Variants in UGT1A7 observed in about 807,000 individuals in gnomAD.
UGT1A7 encodes UDP-glucuronosyltransferase 1A7.
UGT1A7 carries 33 observed loss-of-function variants against 45.6 expected under a neutral mutation model. That is an observed-to-expected ratio of 0.72 (90% CI 0.55 to 0.97). UGT1A7 has a LOEUF of 0.97. UGT1A7 is among the 50% of genes least tolerant of loss of function. The pLI is 0.00. For synonymous variants in UGT1A7, 274 were observed against 250.6 expected, an observed-to-expected ratio of 1.09 and a Z score of -0.88; for missense variants, 684 against 666.2, an observed-to-expected ratio of 1.03 and a Z score of -0.29.
At chr2:233,719,982 G>A (rs2076818942) in intron 1 of UGT1A7, among the ~76,000 whole-genome samples, 1 of 152,176 alleles carries the variant, frequency 6.6e-6, no homozygotes, top group South Asian at 2.1e-4. Flanking sequence ...AGCTCGGCAG[G>A]ATCAGGGACA....
chr2:233,713,528 T>C (rs1471082533), intron 1 of UGT1A7: 7 of 1,613,924 alleles, frequency 4.3e-6, no homozygotes, highest in Admixed American at 3.3e-5. Flanking sequence ...TTCCATGTGA[T>C]TTAGACTTTA....
rs1691455910 is a variant in UGT1A7, at chr2:233,740,707, G to A, written c.856-26327G>A. Reference sequence around the variant, plus strand: ...GGTGTTCATTTTAGGGATTTCAAGAGGGTCATCTTTGCACCACAGGAAATG... The same window carrying A: ...GGTGTTCATTTTAGGGATTTCAAGAAGGTCATCTTTGCACCACAGGAAATG... On this transcript the variant is annotated intron_variant, in intron 1 of 4. Coordinates refer to ENST00000373426, the MANE Select transcript of UGT1A7 (RefSeq NM_019077.3). 1.3e-5 allele frequency: 2 copies of A among 151,744 alleles called. 1 individual carries two copies. Among genetic ancestry groups the A allele is most frequent in the African/African-American group, 4.9e-5 (2 of 41,032 alleles). 9.4% of individuals were successfully genotyped at this position (151,744 alleles called of 1,614,324 possible).
chr2:233,682,738 C>A lies in UGT1A7; in HGVS notation c.801C>A (p.Pro267=). 6.2e-7 allele frequency: 1 copy of A among 1,613,880 alleles called. No homozygotes were observed. The highest frequency in any genetic ancestry group is 8.5e-7 in the Non-Finnish European group (1 of 1,179,830). ...FVLEYPKPVM[P]NMIFIGGINC... ...TGGAGTATCCCAAACCCGTGATGCCCAATATGATCTTCATTGGTGGTATCA... is the reference window on the plus strand; with the variant it reads ...TGGAGTATCCCAAACCCGTGATGCCAAATATGATCTTCATTGGTGGTATCA... Residue 267 remains proline (P), a synonymous_variant, in exon 1 of 5, where the codon CCC becomes CCA. Transcript: ENST00000373426.
In UGT1A7 at chr2:233,731,732, C is replaced by T. The variant is rs376493971; in HGVS notation, c.856-35302C>T. Among the ~76,000 whole-genome samples, 8 of 152,220 alleles carry T rather than the reference C, an allele frequency of 5.3e-5. No homozygotes were observed. In the East Asian group the frequency reaches 1.3e-3, roughly 26 times the overall value. On this transcript the variant is annotated intron_variant, in intron 1 of 4. Transcript: ENST00000373426. ...CAGGTCTTTGCTATTGTGAATAGTG[C>T]CACAATAAACATACGTGTGCATGTG...
intron 1 of UGT1A7, among the ~76,000 whole-genome samples, chr2:233,749,291 C>G (rs28900384): frequency 0.034 from 5,146 of 151,834 alleles, 168 homozygotes; most frequent in African/African-American, 0.052. Context: ...TGTAGTTATT[C>G]AATTATAAAA....
intron 1 of UGT1A7, chr2:233,691,054 G>A (rs1435812829): frequency 1.5e-5 from 15 of 987,344 alleles, no homozygotes; most frequent in African/African-American, 3.5e-5. Flanking sequence ...GCAGAGTGGA[G>A]GTCTAGTATA....
At position 233,725,825 on chromosome 2, in the gene UGT1A7, A is replaced by G. The variant is rs185131948; in HGVS notation, c.856-41209A>G. Among the ~76,000 whole-genome samples the G allele has an allele frequency of 6.0e-4, 91 of 152,230 alleles. 1 individual carries two copies. In the South Asian group the frequency reaches 6.4e-3, roughly 11 times the overall value. ...AAAATCCATTTTATTGGATACCAGT[A>G]TTGCTACTCCTATGTTATTTTTTCA... On this transcript the variant is annotated intron_variant, in intron 1 of 4. Transcript: ENST00000373426.
chr2:233,738,222 T>G (rs937351311), intron 1 of UGT1A7, among the ~76,000 whole-genome samples: 9 of 152,076 alleles, frequency 5.9e-5, no homozygotes, highest in African/African-American at 1.9e-4. Context: ...ATTATAAGTT[T>G]CCTGAGGCCC....
chr2:233,702,566 T>C (rs2075693872), intron 1 of UGT1A7, among the ~76,000 whole-genome samples: 1 of 152,194 alleles, frequency 6.6e-6, no homozygotes, highest in Non-Finnish European at 1.5e-5. Flanking sequence ...ATTCAGTCTT[T>C]TAGCAGATTA....
intron 1 of UGT1A7, among the ~76,000 whole-genome samples, chr2:233,734,792 AG>A (rs1191669872): frequency 1.3e-5 from 2 of 152,190 alleles, no homozygotes; most frequent in African/African-American, 4.8e-5. Context: ...ATTCAGGAGC[AG>A]GTTGTTCAGT....
chr2:233,747,102 A>G, intron 1 of UGT1A7: 2 of 1,361,188 alleles, frequency 1.5e-6, no homozygotes, highest in African/African-American at 2.9e-5. Context: ...CTATCTTCCA[A>G]TTACATGATG....
intron 1 of UGT1A7, among the ~76,000 whole-genome samples, chr2:233,695,536 C>CT (rs1487620347): frequency 1.3e-5 from 2 of 148,342 alleles, no homozygotes; most frequent in African/African-American, 5.0e-5. Flanking sequence ...TTTTCTTTTT[C>CT]TTTTTTAAAT....
In UGT1A7 at chr2:233,742,646, C is replaced by T. The variant is rs1203522527; in HGVS notation, c.856-24388C>T. 5.3e-5 allele frequency: 8 copies of T among 152,164 alleles called. 1 individual carries two copies. The highest frequency in any genetic ancestry group is 1.2e-4 in the African/African-American group (5 of 41,160). The allele number at this position is 152,164 out of a possible 1,614,324, so 9.4% of individuals were successfully genotyped here. A position where few individuals can be genotyped will look rare whatever the true frequency, so the allele number is the denominator to read the frequency against. On this transcript the variant is annotated intron_variant, in intron 1 of 4. Transcript: ENST00000373426. Reference sequence around the variant, plus strand: ...GCTGAAGACAGTCCTAGTATACCACCGACCAACCATGTAACCCCAAGGTTT... The same window carrying T: ...GCTGAAGACAGTCCTAGTATACCACTGACCAACCATGTAACCCCAAGGTTT...
intron 1 of UGT1A7, chr2:233,713,390 T>C (rs1223682421): frequency 6.2e-7 from 1 of 1,614,192 alleles, no homozygotes; most frequent in Admixed American, 1.7e-5. Context: ...AGCTACTGCA[T>C]AATGAGGCCC....
At chr2:233,709,140 C>T (rs1481814176) in intron 1 of UGT1A7, among the ~76,000 whole-genome samples, 5 of 152,066 alleles carry the variant, frequency 3.3e-5, no homozygotes, top group Admixed American at 6.6e-5. Flanking sequence ...GGGGATGAGA[C>T]GTGCTGATTG....
rs573485749 is a variant in UGT1A7 at position 233,724,715 on chromosome 2, C to G, written c.855+41923C>G. On this transcript the variant is annotated intron_variant, in intron 1 of 4. Coordinates refer to ENST00000373426, the MANE Select transcript of UGT1A7 (RefSeq NM_019077.3). ...GTGAAGACGCTCCTCGCTTTCCAGACTGGGCAGCCAGGCAGAGGGGCTCCT... is the reference window on the plus strand; with the variant it reads ...GTGAAGACGCTCCTCGCTTTCCAGAGTGGGCAGCCAGGCAGAGGGGCTCCT... Among the ~76,000 whole-genome samples, 232 of 143,874 alleles carry G rather than the reference C, an allele frequency of 1.6e-3. 23 individuals carry two copies. Among genetic ancestry groups the G allele is most frequent in the African/African-American group, 6.0e-3 (227 of 38,016 alleles). The allele number at this position is 143,874 out of a possible 152,430, so 94.4% of individuals were successfully genotyped here. A position where few individuals can be genotyped will look rare whatever the true frequency, so the allele number is the denominator to read the frequency against.
At chr2:233,765,208 G>A (rs1325678271) in intron 1 of UGT1A7, among the ~76,000 whole-genome samples, 1 of 152,250 alleles carries the variant, frequency 6.6e-6, no homozygotes, top group South Asian at 2.1e-4. Flanking sequence ...AGTGCCCTCA[G>A]TATTCTTTGC....
intron 1 of UGT1A7, among the ~76,000 whole-genome samples, chr2:233,725,748 A>G (rs530176387): frequency 3.9e-5 from 6 of 152,300 alleles, no homozygotes; most frequent in African/African-American, 1.4e-4. Context: ...ACATTGTAAG[A>G]GACTTACATT....
chr2:233,712,975 C>T (rs558021110), intron 1 of UGT1A7: 154 of 1,613,050 alleles, frequency 9.5e-5, no homozygotes, highest in Middle Eastern at 7.8e-4. Context: ...AGTCAGCTGT[C>T]GGTGGCTTCT....
Sources: gnomAD v4.1 joint callset for allele counts (sites outside exome capture counted in the v4.1 genomes callset) on GRCh38, gnomAD v4.1.1 for gene constraint, MANE v1.5 for transcripts, NCBI Gene and HGNC (gene_info 2026-07-23, HGNC 2026-07-21) for gene names.